CAMK1D: variants seen among roughly 807,000 people sequenced by gnomAD.
The protein encoded by CAMK1D is calcium/calmodulin dependent protein kinase ID, also known as calcium/calmodulin-dependent protein kinase type 1D.
In CAMK1D, 9 loss-of-function variants were observed where a neutral mutation model predicts 47.7. That is an observed-to-expected ratio of 0.19 (90% CI 0.11 to 0.33). The LOEUF (loss-of-function observed/expected upper bound fraction) is 0.33. Ranked by LOEUF, CAMK1D falls within the 10% of genes least tolerant of loss-of-function variation. The pLI, the probability that CAMK1D is intolerant of heterozygous loss-of-function variation, is 1.00. For missense variants in CAMK1D, 291 were observed against 488.7 expected, an observed-to-expected ratio of 0.60 and a Z score of 3.81; for synonymous variants, 184 against 184.9, an observed-to-expected ratio of 0.99 and a Z score of 0.04.
At position 12,401,224 on chromosome 10, in the gene CAMK1D, A is replaced by T. The variant is rs192633271; in HGVS notation, c.92+51314A>T. Among the ~76,000 whole-genome samples the T allele has an allele frequency of 3.9e-3, 156 of 40,324 alleles. 14 individuals are homozygous for T. The highest frequency in any genetic ancestry group is 0.019 in the African/African-American group (155 of 8,234). 26.5% of individuals were successfully genotyped at this position (40,324 alleles called of 152,430 possible). ...TATATATAATATATGTATTATATAT[A>T]TTATATATATATTTTATATATATAT... is the stretch of plus-strand genomic sequence containing the variant. On this transcript the variant is annotated intron_variant, in intron 1 of 10. Transcript: ENST00000619168.
At chr10:12,618,751 CTT>C (rs1838900439) in intron 2 of CAMK1D, among the ~76,000 whole-genome samples, 2 of 152,236 alleles carry the variant, frequency 1.3e-5, no homozygotes, top group South Asian at 2.1e-4. Flanking sequence ...GAAGTTTAAA[CTT>C]TGCGTAGGAA....
chr10:12,465,609 C>A (rs565734701), intron 1 of CAMK1D, among the ~76,000 whole-genome samples: 3 of 152,330 alleles, frequency 2.0e-5, no homozygotes, highest in Non-Finnish European at 2.9e-5. Context: ...CCCACCTTGG[C>A]CTCCCACAGT....
chr10:12,523,309 C>T (rs1340690808), intron 1 of CAMK1D, among the ~76,000 whole-genome samples: 1 of 151,042 alleles, frequency 6.6e-6, no homozygotes, highest in Non-Finnish European at 1.5e-5. Flanking sequence ...GATGGGCGGC[C>T]AGGCAGAGAC....
chr10:12,369,702 T>A (rs1837950206), intron 1 of CAMK1D, among the ~76,000 whole-genome samples: 1 of 152,180 alleles, frequency 6.6e-6, no homozygotes, highest in African/African-American at 2.4e-5. Flanking sequence ...CTCACGCCTG[T>A]ATTCCCAGCA....
chr10:12,700,871 A>C lies in CAMK1D; in HGVS notation c.299+34061A>C, dbSNP rs563699747. On this transcript the variant is annotated intron_variant, in intron 3 of 10. Coordinates refer to ENST00000619168, the MANE Select transcript of CAMK1D (RefSeq NM_153498.4). ...TTTTAGCCAGCAGGTGAATTTGTAA[A>C]TACAGATCGGTGAATAATGAGGACT... Among the ~76,000 whole-genome samples, 17 of 152,324 alleles carry C rather than the reference A, an allele frequency of 1.1e-4. No homozygotes were observed. In the South Asian group the frequency reaches 3.5e-3, roughly 32 times the overall value.
chr10:12,743,205 G>A (rs1357536662), intron 3 of CAMK1D, among the ~76,000 whole-genome samples: 1 of 151,846 alleles, frequency 6.6e-6, no homozygotes, highest in Non-Finnish European at 1.5e-5. Context: ...AAATTAGCCG[G>A]GCATGGTGGC....
At chr10:12,371,690 G>C (rs1442014276) in intron 1 of CAMK1D, among the ~76,000 whole-genome samples, 1 of 151,884 alleles carries the variant, frequency 6.6e-6, no homozygotes, top group Non-Finnish European at 1.5e-5. Context: ...GAGGTCAGGA[G>C]TTCAAGACCA....
At chr10:12,688,774 T>C (rs1832756086) in intron 3 of CAMK1D, among the ~76,000 whole-genome samples, 1 of 152,242 alleles carries the variant, frequency 6.6e-6, no homozygotes, top group African/African-American at 2.4e-5. Flanking sequence ...AACCTCTGCC[T>C]GCTGGTTTCA....
At chr10:12,573,864 T>TG (rs1313493148) in intron 2 of CAMK1D, among the ~76,000 whole-genome samples, 5 of 109,526 alleles carry the variant, frequency 4.6e-5, no homozygotes, top group South Asian at 3.5e-4. Flanking sequence ...TTTGTGGAGA[T>TG]GGGGTCTCAC....
At chr10:12,825,848 A>G in intron 10 of CAMK1D, 158 bp downstream of exon 10, 1 of 1,256,152 alleles carries the variant, frequency 8.0e-7, no homozygotes, top group Non-Finnish European at 1.1e-6. Context: ...TTAACATGTA[A>G]TCACTGGGCT....
At chr10:12,524,567 T>G (rs527856898) in intron 1 of CAMK1D, among the ~76,000 whole-genome samples, 1 of 151,466 alleles carries the variant, frequency 6.6e-6, no homozygotes, top group Non-Finnish European at 1.5e-5. Context: ...ATTAGCTGAG[T>G]GTGATGGCGG....
At chr10:12,554,330 A>G (rs1391676008) in intron 2 of CAMK1D, among the ~76,000 whole-genome samples, 2 of 129,550 alleles carry the variant, frequency 1.5e-5, no homozygotes, top group Admixed American at 7.7e-5. Flanking sequence ...TAATTTTTGT[A>G]TTTTTGTAGA....
intron 1 of CAMK1D, among the ~76,000 whole-genome samples, chr10:12,357,784 T>C (rs531376612): frequency 1.0e-3 from 155 of 152,296 alleles, no homozygotes; most frequent in African/African-American, 3.5e-3. Context: ...TGATCTCGGT[T>C]CACGTTGGCT....
chr10:12,377,877 T>C (rs1838228533), intron 1 of CAMK1D, among the ~76,000 whole-genome samples: 1 of 152,266 alleles, frequency 6.6e-6, no homozygotes, highest in Non-Finnish European at 1.5e-5. Flanking sequence ...GATGACCTTT[T>C]CATGTTGTCA....
At chr10:12,563,272 T>C (rs1345947881) in intron 2 of CAMK1D, among the ~76,000 whole-genome samples, 1 of 152,104 alleles carries the variant, frequency 6.6e-6, no homozygotes, top group Non-Finnish European at 1.5e-5. Flanking sequence ...GGAAGATCAC[T>C]TGAGTCCAGG....
At chr10:12,432,943 C>T (rs1832530575) in intron 1 of CAMK1D, among the ~76,000 whole-genome samples, 1 of 152,214 alleles carries the variant, frequency 6.6e-6, no homozygotes, top group Non-Finnish European at 1.5e-5. Flanking sequence ...TACAAGGTCC[C>T]CGGGATTAGA....
chr10:12,616,607 T>C (rs1399498394), intron 2 of CAMK1D, among the ~76,000 whole-genome samples: 14 of 151,110 alleles, frequency 9.3e-5, no homozygotes, highest in African/African-American at 3.4e-4. Flanking sequence ...AAGCTCCGCC[T>C]CCCGGGTTCA....
chr10:12,449,130 C>T (rs998998008), intron 1 of CAMK1D, among the ~76,000 whole-genome samples: 2 of 152,082 alleles, frequency 1.3e-5, no homozygotes, highest in African/African-American at 2.4e-5. Flanking sequence ...CTTTGAAACT[C>T]AGAACAAATG....
intron 2 of CAMK1D, among the ~76,000 whole-genome samples, chr10:12,646,618 G>A (rs1390259030): frequency 1.3e-5 from 2 of 152,072 alleles, no homozygotes; most frequent in Admixed American, 1.3e-4. Flanking sequence ...CCCTCCCCTA[G>A]GGTTTCCAGT....
Sources: gnomAD v4.1 joint callset for allele counts (sites outside exome capture counted in the v4.1 genomes callset) on GRCh38, gnomAD v4.1.1 for gene constraint, MANE v1.5 for transcripts, NCBI Gene and HGNC (gene_info 2026-07-23, HGNC 2026-07-21) for gene names.